The following CROCC variants were observed in gnomAD, a reference collection of about 807,000 sequenced individuals.
CROCC encodes the protein ciliary rootlet coiled-coil, rootletin.
A neutral mutation model predicts 245.2 loss-of-function variants in CROCC; 180 were observed. The ratio of observed to expected loss-of-function variants is 0.73; its 90% confidence interval spans 0.65 to 0.83. The LOEUF (loss-of-function observed/expected upper bound fraction) is 0.83. CROCC is among the 40% of genes least tolerant of loss of function. The pLI is 0.00. For missense variants in CROCC, 2,688 were observed against 2,779.4 expected (o/e 0.97, Z 0.74); for synonymous variants, 1,205 against 1,241.6 (o/e 0.97, Z 0.62).
At chr1:16,921,865 TC>T (rs1314717804), upstream of CROCC, 1 of 738,124 alleles carries the variant, frequency 1.4e-6, no homozygotes. Context: ...CACATCCTGC[TC>T]CTCCCACCGC....
Position 16,948,353 on chromosome 1 carries a change from G to T in CROCC, c.2537G>T (p.Arg846Leu). Reference sequence around the variant, plus strand: ...CAGCTCTCCCGGCAGCTGAGCGGGCGGGAGCAGGAGCTGGAGCAGGCCCGG... The same window carrying T: ...CAGCTCTCCCGGCAGCTGAGCGGGCTGGAGCAGGAGCTGGAGCAGGCCCGG... The part of the protein sequence containing the change: ...LAQLSRQLSG[R>L]EQELEQARRE... Residue 846 changes from arginine to leucine, a missense_variant, in exon 18 of 37, where the codon CGG (arginine) becomes CTG (leucine). Coordinates refer to ENST00000375541, the MANE Select transcript of CROCC (RefSeq NM_014675.5). 6.3e-7 allele frequency: 1 copy of T among 1,577,958 alleles called. No homozygotes were observed. Among genetic ancestry groups the T allele is most frequent in the Non-Finnish European group, 8.6e-7 (1 of 1,165,978 alleles).
chr1:16,929,863 G>A lies in CROCC; in HGVS notation c.369G>A (p.Arg123=), dbSNP rs1469998438. ...CCCTGCAGCTGGAGCAGGCTCTGCG[G>A]CTGGAGCCTGGGGAGCTGGAGACGC... The part of the protein sequence containing the change: ...AVSERLEQAL[R]LEPGELETQE... Residue 123 remains arginine (R), a synonymous_variant, in exon 4 of 37, where the codon CGG becomes CGA. Coordinates refer to ENST00000375541, the MANE Select transcript of CROCC (RefSeq NM_014675.5). 6 of 1,570,670 alleles carry A rather than the reference G, an allele frequency of 3.8e-6. No individual in the cohort carries two copies. Among genetic ancestry groups the A allele is most frequent in the Non-Finnish European group, 4.3e-6 (5 of 1,161,976 alleles).
intron 21 of CROCC, chr1:16,953,765 GCATGGATCCT>G (rs2100498438): frequency 2.7e-6 from 1 of 365,152 alleles, no homozygotes; most frequent in African/African-American, 2.8e-5. Context: ...CCCACGCTGG[GCATGGATCCT>G]CATGGCTGCC....
chr1:16,923,364 G>A (rs559757954), intron 2 of CROCC, among the ~76,000 whole-genome samples: 15 of 152,388 alleles, frequency 9.8e-5, no homozygotes, highest in African/African-American at 2.4e-4. Context: ...AGCTACAGAC[G>A]GGCCCCCTCC....
Position 16,937,755 on chromosome 1 carries a change from C to T in CROCC, c.1290+18C>T. On this transcript the variant is annotated intron_variant, in intron 10 of 36. Transcript: ENST00000375541. Reference sequence around the variant, plus strand: ...AGGCCCTGGTGAGCTGCAGGTGCCCCTGAGATGGGGCAGGGTGAGATGGGG... The same window carrying T: ...AGGCCCTGGTGAGCTGCAGGTGCCCTTGAGATGGGGCAGGGTGAGATGGGG... 3 of 1,593,988 alleles carry T rather than the reference C, an allele frequency of 1.9e-6. No homozygotes were observed. The highest frequency in any genetic ancestry group is 2.6e-6 in the Non-Finnish European group (3 of 1,165,688).
intron 36 of CROCC, 80 bp downstream of exon 36, chr1:16,971,727 G>A: frequency 7.5e-7 from 1 of 1,334,164 alleles, no homozygotes; most frequent in Non-Finnish European, 9.9e-7. Flanking sequence ...TCAAGACCTT[G>A]TGGGTATAGG....
At chr1:16,933,549 G>A (rs1412906176) in intron 8 of CROCC, among the ~76,000 whole-genome samples, 2 of 152,216 alleles carry the variant, frequency 1.3e-5, no homozygotes, top group African/African-American at 4.8e-5. Flanking sequence ...TTTACAAAAC[G>A]TAAATGTTTG....
intron 27 of CROCC, among the ~76,000 whole-genome samples, chr1:16,964,715 G>A (rs2076391738): frequency 6.6e-6 from 1 of 151,486 alleles, no homozygotes; most frequent in Admixed American, 6.6e-5. Flanking sequence ...ACGGAGTCTC[G>A]CTGTGTTACC....
chr1:16,931,374 C>A lies in CROCC; in HGVS notation c.933C>A (p.Ser311Arg). 21 of 1,611,780 alleles carry A rather than the reference C, an allele frequency of 1.3e-5. No homozygotes were observed. The highest frequency in any genetic ancestry group is 1.8e-5 in the Non-Finnish European group (21 of 1,178,426). The change falls in exon 8 of 37, where the codon AGC (serine) becomes AGA (arginine). Residue 311 changes from serine to arginine, a missense_variant. Transcript: ENST00000375541. ...RQVVGFRRLV[S>R]EVKMFTERDL... ...TGGTGGGGTTCCGGCGGCTGGTCAGCGAGGTGAAGATGTTCACTGAGAGGT... is the reference window on the plus strand; with the variant it reads ...TGGTGGGGTTCCGGCGGCTGGTCAGAGAGGTGAAGATGTTCACTGAGAGGT...
chr1:16,956,781 T>C (rs1393927659), intron 25 of CROCC, among the ~76,000 whole-genome samples: 1 of 151,788 alleles, frequency 6.6e-6, no homozygotes, highest in Non-Finnish European at 1.5e-5. Flanking sequence ...GGAGATGGGC[T>C]GAATTTGGCC....
At chr1:16,949,142 T>C (rs945203348) in intron 19 of CROCC, among the ~76,000 whole-genome samples, 35 of 152,288 alleles carry the variant, frequency 2.3e-4, no homozygotes, top group Non-Finnish European at 4.6e-4. Flanking sequence ...GAGGTGGCAA[T>C]GCCCACCTTC....
At chr1:16,946,675 T>G (rs994204072) in intron 16 of CROCC, 86 bp from the exon 17 acceptor site, 11 of 1,355,012 alleles carry the variant, frequency 8.1e-6, no homozygotes, top group African/African-American at 1.4e-5. Context: ...CCCTGGGCTA[T>G]TGTTGCTGGT....
chr1:16,934,323 A>C (rs1401662081), intron 8 of CROCC, among the ~76,000 whole-genome samples: 11 of 150,494 alleles, frequency 7.3e-5, no homozygotes, highest in Middle Eastern at 6.8e-3. Context: ...TTTTTTTGAG[A>C]CAGTCTCTCT....
At chr1:16,968,972 A>G (rs973129818) in intron 31 of CROCC, 144 bp from the exon 32 acceptor site, 4 of 842,276 alleles carry the variant, frequency 4.7e-6, no homozygotes, top group Admixed American at 4.3e-5. Context: ...AGGAGTGCTT[A>G]GGAACACTGG....
chr1:16,935,285 A>G (rs1157827893), intron 8 of CROCC, among the ~76,000 whole-genome samples: 1 of 152,270 alleles, frequency 6.6e-6, no homozygotes, highest in Non-Finnish European at 1.5e-5. Context: ...ACACAGACAC[A>G]TGCACACTTT....
At chr1:16,939,172 A>G in intron 12 of CROCC, 30 bp downstream of exon 12, 1 of 1,368,118 alleles carries the variant, frequency 7.3e-7, no homozygotes, top group South Asian at 1.6e-5. Flanking sequence ...TTCTGGGCGC[A>G]GCCAGAGGCC....
chr1:16,917,153 G>A (rs1334945463), upstream of CROCC, among the ~76,000 whole-genome samples: 1 of 152,400 alleles, frequency 6.6e-6, no homozygotes, highest in Non-Finnish European at 1.5e-5. Flanking sequence ...AAACCCTTTG[G>A]AATCAGGCAC....
intron 1 of CROCC, 117 bp downstream of exon 1, chr1:16,922,195 G>C (rs1308856673): frequency 9.4e-7 from 1 of 1,063,522 alleles, no homozygotes; most frequent in Non-Finnish European, 1.3e-6. Flanking sequence ...TGGTGGTGGT[G>C]GGGTATACAG....
rs36118977 is a variant in CROCC, at chr1:16,972,511, G to GCCC, written c.*70_*72dup. 3,609 of 819,588 alleles carry GCCC rather than the reference G, an allele frequency of 4.4e-3. 103 individuals are homozygous for GCCC. In the African/African-American group the frequency reaches 0.059, roughly 13 times the overall value. The allele number at this position is 819,588 out of a possible 1,614,324, so 50.8% of individuals were successfully genotyped here. On this transcript the variant is annotated 3_prime_UTR_variant, in exon 37 of 37. Coordinates refer to ENST00000375541, the MANE Select transcript of CROCC (RefSeq NM_014675.5). ...CAGGGGAGGACCCTTCTTTTGGACA[G>GCCC]CCCCCCCACCCAGAGCCCGGTCCCT...
Sources: gnomAD v4.1 joint callset for allele counts (sites outside exome capture counted in the v4.1 genomes callset) on GRCh38, gnomAD v4.1.1 for gene constraint, MANE v1.5 for transcripts, NCBI Gene and HGNC (gene_info 2026-07-23, HGNC 2026-07-21) for gene names.